The following RNF144A variants were observed in gnomAD, a reference collection of about 807,000 sequenced individuals.
RNF144A encodes E3 ubiquitin-protein ligase RNF144A.
Under a neutral mutation model 38.7 loss-of-function variants are expected in RNF144A, and 11 were observed. The observed-to-expected ratio is 0.28, with a 90% CI of 0.18 to 0.47. The LOEUF (loss-of-function observed/expected upper bound fraction) is 0.47. Ranked by LOEUF, RNF144A falls within the 20% of genes least tolerant of loss-of-function variation. The pLI is 0.99. For missense variants in RNF144A, 316 were observed against 377.2 expected, an observed-to-expected ratio of 0.84 and a Z score of 1.34; for synonymous variants, 149 against 143.9, an observed-to-expected ratio of 1.04 and a Z score of -0.25.
intron 2 of RNF144A, among the ~76,000 whole-genome samples, chr2:6,965,944 A>G (rs1049619154): frequency 6.6e-6 from 1 of 152,194 alleles, no homozygotes; most frequent in Admixed American, 6.5e-5. Context: ...AGAAAAGGAA[A>G]AAAGACCGCT....
At chr2:7,075,807 C>G in the RNF144A span, among the ~76,000 whole-genome samples, 1 of 152,178 alleles carries the variant, frequency 6.6e-6, no homozygotes, top group Admixed American at 6.5e-5. Context: ...CTATATGCTA[C>G]TGACCAAGCC....
downstream of RNF144A, among the ~76,000 whole-genome samples, chr2:7,069,294 G>A (rs309262): frequency 0.28 from 42,142 of 152,130 alleles, 7,028 homozygotes; most frequent in South Asian, 0.43. Flanking sequence ...TGTTTCATCT[G>A]TGTGGCCAAC....
At chr2:7,070,932 GTTT>G (rs138072047), downstream of RNF144A, among the ~76,000 whole-genome samples, 16,788 of 123,012 alleles carry the variant, frequency 0.14, 1,724 homozygotes, top group East Asian at 0.41. Context: ...GCTTTGCTGA[GTTT>G]TTTTTTTTTT....
chr2:7,062,369 AC>A (rs1239730557), intron 6 of RNF144A, among the ~76,000 whole-genome samples: 1 of 152,068 alleles, frequency 6.6e-6, no homozygotes, highest in Non-Finnish European at 1.5e-5. Context: ...CAAGACTGGT[AC>A]AGAGTTAAAA....
intron 6 of RNF144A, among the ~76,000 whole-genome samples, chr2:7,066,980 CATT>C (rs1332605963): frequency 2.0e-5 from 3 of 152,158 alleles, no homozygotes; most frequent in Non-Finnish European, 1.5e-5. Context: ...GGTGGTCAAT[CATT>C]ATTTTTGCTG....
chr2:7,049,932 G>T (rs760713471), intron 6 of RNF144A, among the ~76,000 whole-genome samples: 1 of 152,198 alleles, frequency 6.6e-6, no homozygotes, highest in Non-Finnish European at 1.5e-5. Context: ...TTTTGGAAAC[G>T]CCAGGGGCAG....
intron 3 of RNF144A, among the ~76,000 whole-genome samples, chr2:7,009,500 G>A (rs1572393519): frequency 6.7e-6 from 1 of 149,768 alleles, no homozygotes; most frequent in African/African-American, 2.5e-5. Context: ...ATAGATGGGA[G>A]CGTTTATTTT....
intron 1 of RNF144A, among the ~76,000 whole-genome samples, chr2:6,918,884 A>G (rs1664349337): frequency 6.6e-6 from 1 of 151,262 alleles, no homozygotes; most frequent in Non-Finnish European, 1.5e-5. Context: ...TCCCCAGTGG[A>G]TCCCTGCTGC....
intron 6 of RNF144A, among the ~76,000 whole-genome samples, chr2:7,049,247 C>T (rs1407029763): frequency 6.6e-6 from 1 of 152,132 alleles, no homozygotes; most frequent in Non-Finnish European, 1.5e-5. Flanking sequence ...ATGAAGGTAC[C>T]GCATTTTCAG....
At chr2:7,036,573 C>T (rs114373715) in intron 8 of RNF144A, among the ~76,000 whole-genome samples, 144 of 152,310 alleles carry the variant, frequency 9.5e-4, no homozygotes, top group African/African-American at 2.6e-3. Flanking sequence ...CACCAGGATG[C>T]TAAGCTCTGT....
chr2:7,045,156 C>CA (rs1330458504), downstream of RNF144A, among the ~76,000 whole-genome samples: 3 of 152,314 alleles, frequency 2.0e-5, no homozygotes, highest in South Asian at 2.1e-4. Context: ...TCAACAAGCG[C>CA]ACAGAGTTTG....
intron 2 of RNF144A, among the ~76,000 whole-genome samples, chr2:6,984,716 G>C (rs1668845216): frequency 6.6e-6 from 1 of 152,218 alleles, no homozygotes; most frequent in Non-Finnish European, 1.5e-5. Flanking sequence ...TATACATTGG[G>C]AAAATAGGAG....
intron 8 of RNF144A, among the ~76,000 whole-genome samples, chr2:7,038,679 A>C (rs1014040498): frequency 1.3e-5 from 2 of 151,952 alleles, no homozygotes; most frequent in African/African-American, 4.8e-5. Flanking sequence ...CGGTGGATGG[A>C]TATATAGTGG....
chr2:7,036,482 T>C (rs1265147048), intron 8 of RNF144A, among the ~76,000 whole-genome samples: 1 of 152,214 alleles, frequency 6.6e-6, no homozygotes, highest in Non-Finnish European at 1.5e-5. Context: ...GCTTATGTCC[T>C]GGAAGCCACA....
downstream of RNF144A, among the ~76,000 whole-genome samples, chr2:7,047,686 G>T (rs891881414): frequency 6.6e-6 from 1 of 152,196 alleles, no homozygotes; most frequent in Non-Finnish European, 1.5e-5. Flanking sequence ...AAAGCCTTAC[G>T]CTTGAACTGG....
chr2:7,057,878 T>C (rs1177808944), intron 6 of RNF144A, among the ~76,000 whole-genome samples: 5 of 152,148 alleles, frequency 3.3e-5, no homozygotes, highest in African/African-American at 1.2e-4. Flanking sequence ...GTGGACACAA[T>C]GTAGTCAGCA....
chr2:7,046,610 A>G (rs898824390), downstream of RNF144A, among the ~76,000 whole-genome samples: 29 of 152,210 alleles, frequency 1.9e-4, no homozygotes, highest in African/African-American at 6.8e-4. Context: ...GGCTCCCAAC[A>G]AGGGTACCCA....
chr2:7,001,128 C>T (rs925153563), intron 3 of RNF144A, among the ~76,000 whole-genome samples: 5 of 151,528 alleles, frequency 3.3e-5, no homozygotes, highest in South Asian at 2.1e-4. Flanking sequence ...GTTGAAACCC[C>T]GTCTCTACTA....
At chr2:6,992,136 C>G (rs1359391690) in intron 2 of RNF144A, among the ~76,000 whole-genome samples, 1 of 152,142 alleles carries the variant, frequency 6.6e-6, no homozygotes, top group Non-Finnish European at 1.5e-5. Flanking sequence ...ACCCACACAG[C>G]CTTGAGTGAG....
Sources: gnomAD v4.1 joint callset for allele counts (sites outside exome capture counted in the v4.1 genomes callset) on GRCh38, gnomAD v4.1.1 for gene constraint, MANE v1.5 for transcripts, NCBI Gene and HGNC (gene_info 2026-07-23, HGNC 2026-07-21) for gene names.